Variants in TAF8 observed in about 807,000 individuals in gnomAD.
The protein encoded by TAF8 is TATA-box binding protein associated factor 8.
A neutral mutation model predicts 36.5 loss-of-function variants in TAF8; 47 were observed. The ratio of observed to expected loss-of-function variants is 1.29; its 90% CI spans 1.02 to 1.64. The LOEUF is 1.64. Ranked by LOEUF, TAF8 falls within the 40% of genes most tolerant of loss-of-function variation. The pLI is 0.00. For synonymous variants in TAF8, 175 were observed against 159.5 expected (o/e 1.10, Z -0.73); for missense variants, 420 against 407.6 (o/e 1.03, Z -0.26).
At chr6:42,067,204 A>C (rs1239774699) in intron 6 of TAF8, among the ~76,000 whole-genome samples, 1 of 152,212 alleles carries the variant, frequency 6.6e-6, no homozygotes, top group Non-Finnish European at 1.5e-5. Context: ...GACCCACAGC[A>C]AAAATAATTC....
chr6:42,086,623 C>G, downstream of TAF8: 2 of 1,234,004 alleles, frequency 1.6e-6, no homozygotes, highest in Non-Finnish European at 2.3e-6. Context: ...GCGGCACCCC[C>G]TCTCCAATGC....
At chr6:42,071,805 T>C (rs1765589784) in intron 7 of TAF8, among the ~76,000 whole-genome samples, 1 of 152,178 alleles carries the variant, frequency 6.6e-6, no homozygotes, top group Non-Finnish European at 1.5e-5. Flanking sequence ...AGGAATCATG[T>C]AAACAAACGT....
Position 42,051,453 on chromosome 6 carries a change from G to T in TAF8, c.142G>T (p.Ala48Ser). The stretch of plus-strand genomic sequence containing the variant: ...GGTTGTGAGCTCCTTGCTGACAGAG[G>T]CAGGGTTTGAGAGTGCCGAGAAAGC... ...QVVVSSLLTE[A>S]GFESAEKASV... Residue 48 changes from alanine (A) to serine (S), a missense_variant, in exon 2 of 9, where the codon GCA becomes TCA. Physicochemically the swap from Ala to Ser is moderately conservative, Grantham distance 99. Transcript: ENST00000372977. 6.2e-7 allele frequency: 1 copy of T among 1,614,092 alleles called. No individual in the cohort carries two copies. Among genetic ancestry groups the T allele is most frequent in the Non-Finnish European group, 8.5e-7 (1 of 1,180,002 alleles).
In TAF8 at chr6:42,080,320, G is replaced by A. The variant is rs952885372; in HGVS notation, c.*2775G>A. On this transcript the variant is annotated 3_prime_UTR_variant, in exon 9 of 9. Coordinates refer to ENST00000372977, the MANE Select transcript of TAF8 (RefSeq NM_138572.3). The stretch of plus-strand genomic sequence containing the variant: ...AGTTAGAGGTGGGATTTGGAAAAGG[G>A]CTGCTATTTCTGCTGTTGAGATTTC... 2.5e-5 allele frequency: 25 copies of A among 988,056 alleles called. No homozygotes were observed. The highest frequency in any genetic ancestry group is 4.6e-5 in the South Asian group (1 of 21,778). 61.2% of individuals were successfully genotyped at this position (988,056 alleles called of 1,614,324 possible). A position where few individuals can be genotyped will look rare whatever the true frequency, so the allele number is the denominator to read the frequency against.
Position 42,077,137 on chromosome 6 carries a change from T to G in TAF8, c.818T>G (p.Leu273Arg), listed in dbSNP as rs1765774646. Residue 273 changes from leucine to arginine, a missense_variant, in exon 8 of 9, where the codon CTG becomes CGG. Physicochemically the swap from Leu to Arg is moderately radical, Grantham distance 102 (BLOSUM62 -2). Transcript: ENST00000372977. ...GCCGAGAAGGAGAACACCTCTGTCCTGCAGCAGAACCCCTCCTTGTCGGGT... is the reference window on the plus strand; with the variant it reads ...GCCGAGAAGGAGAACACCTCTGTCCGGCAGCAGAACCCCTCCTTGTCGGGT... ...SGAEKENTSV[L>R]QQNPSLSGSR... 1.2e-6 allele frequency: 2 copies of G among 1,614,068 alleles called. No individual in the cohort carries two copies. Among genetic ancestry groups the G allele is most frequent in the Admixed American group, 1.7e-5 (1 of 59,992 alleles).
At chr6:42,055,670 G>A (rs1430935507) in intron 3 of TAF8, 41 bp downstream of exon 3, 2 of 1,441,454 alleles carry the variant, frequency 1.4e-6, no homozygotes, top group Admixed American at 1.7e-5. Context: ...ATGCAACTGG[G>A]AGAGGAGTCC....
chr6:42,086,992 C>T, downstream of TAF8: 1 of 586,168 alleles, frequency 1.7e-6, no homozygotes, highest in South Asian at 2.0e-5. Flanking sequence ...AGGGCGAGTT[C>T]TGCCGTGCCC....
chr6:42,051,519 T>C lies in TAF8; in HGVS notation c.202+6T>C, dbSNP rs762219497. 6.2e-7 allele frequency: 1 copy of C among 1,613,176 alleles called. No homozygotes were observed. Among genetic ancestry groups the C allele is most frequent in the East Asian group, 2.2e-5 (1 of 44,860 alleles). On this transcript the variant is annotated splice_donor_region_variant and intron_variant, in intron 2 of 8. Transcript: ENST00000372977. ...GACAGAGATGCTGCAGAGCTGTGAG[T>C]ACATGGAAACACTTGGCCTTGGAGT...
intron 7 of TAF8, among the ~76,000 whole-genome samples, chr6:42,070,013 A>G (rs999184075): frequency 6.6e-6 from 1 of 152,144 alleles, no homozygotes; most frequent in Non-Finnish European, 1.5e-5. Flanking sequence ...CAACCATTAG[A>G]TCTGGCAGTG....
At chr6:42,050,706 G>A (rs1390508693) in intron 1 of TAF8, 120 bp downstream of exon 1, 1 of 1,291,694 alleles carries the variant, frequency 7.7e-7, no homozygotes, top group Non-Finnish European at 1.0e-6. Context: ...CCGACTGGCG[G>A]AGGGTGTTTT....
At chr6:42,069,443 C>A (rs1488263180) in intron 7 of TAF8, among the ~76,000 whole-genome samples, 1 of 152,068 alleles carries the variant, frequency 6.6e-6, no homozygotes, top group African/African-American at 2.4e-5. Context: ...TGGTCAGATT[C>A]TAGATCACTT....
intron 1 of TAF8, 28 bp downstream of exon 1, chr6:42,050,614 C>T (rs772763185): frequency 1.3e-6 from 2 of 1,539,482 alleles, no homozygotes; most frequent in Non-Finnish European, 1.7e-6. Context: ...GGGCTCGGAG[C>T]CGAGAGAGTT....
chr6:42,056,164 T>G (rs574991470), intron 4 of TAF8, 150 bp downstream of exon 4: 16 of 612,620 alleles, frequency 2.6e-5, no homozygotes, highest in East Asian at 2.0e-4. Context: ...ATAATCTTTA[T>G]TTGGGCTAGT....
Position 42,074,680 on chromosome 6 carries a change from G to A in TAF8, c.781-2420G>A, listed in dbSNP as rs541004819. Among the ~76,000 whole-genome samples the A allele has an allele frequency of 2.6e-5, 4 of 152,114 alleles. No individual in the cohort carries two copies. In the South Asian group the frequency reaches 6.2e-4, roughly 24 times the overall value. On this transcript the variant is annotated intron_variant, in intron 7 of 8. Transcript: ENST00000372977. ...CTCCCAAGTAGCTGGGATTATAGGC[G>A]CCTACCACCATGCCCGGCTGATTTT...
At chr6:42,086,627 C>T, downstream of TAF8, 1 of 1,296,032 alleles carries the variant, frequency 7.7e-7, no homozygotes, top group Non-Finnish European at 1.1e-6. Flanking sequence ...CACCCCCTCT[C>T]CAATGCCAGA....
chr6:42,054,335 T>TAA (rs1213743976), intron 2 of TAF8, among the ~76,000 whole-genome samples: 1 of 152,174 alleles, frequency 6.6e-6, no homozygotes, highest in African/African-American at 2.4e-5. Flanking sequence ...GAGATATTCA[T>TAA]AAAAAAATTT....
chr6:42,058,698 T>C (rs1765090483), intron 5 of TAF8, among the ~76,000 whole-genome samples: 1 of 152,162 alleles, frequency 6.6e-6, no homozygotes, highest in Non-Finnish European at 1.5e-5. Context: ...TCTCTATTAG[T>C]TTCCTGGGCT....
Position 42,055,980 on chromosome 6 carries a change from T to C in TAF8, c.330T>C (p.Tyr110=), listed in dbSNP as rs758273833. The change falls in exon 4 of 9, where the codon TAT becomes TAC. Residue 110 remains tyrosine (Y), a synonymous_variant. Coordinates refer to ENST00000372977, the MANE Select transcript of TAF8 (RefSeq NM_138572.3). ...TCAATGTGGACACTCTCCCTGCTTA[T>C]GCAAAACGGTCTCAGAGGATGGTCA... is the stretch of plus-strand genomic sequence containing the variant. The part of the protein sequence containing the change: ...MGFNVDTLPA[Y]AKRSQRMVIT... 31 of 1,613,638 alleles carry C rather than the reference T, an allele frequency of 1.9e-5. No individual in the cohort carries two copies. Among genetic ancestry groups the C allele is most frequent in the Non-Finnish European group, 2.6e-5 (31 of 1,179,594 alleles).
chr6:42,071,546 G>C (rs1399268034), intron 7 of TAF8: 1 of 155,584 alleles, frequency 6.4e-6, no homozygotes, highest in Non-Finnish European at 1.4e-5. Flanking sequence ...CGCTGGTCTT[G>C]AACTCCTGAC....
Sources: gnomAD v4.1 joint callset for allele counts (sites outside exome capture counted in the v4.1 genomes callset) on GRCh38, gnomAD v4.1.1 for gene constraint, MANE v1.5 for transcripts, NCBI Gene and HGNC (gene_info 2026-07-23, HGNC 2026-07-21) for gene names.